Variants in ADGRV1 observed in about 807,000 individuals in gnomAD.
ADGRV1 encodes the protein G-protein coupled receptor 98.
Under a neutral mutation model 596.2 loss-of-function variants are expected in ADGRV1, and 359 were observed. The ratio of observed to expected loss-of-function variants is 0.60; its 90% CI spans 0.55 to 0.66. The LOEUF (loss-of-function observed/expected upper bound fraction) is 0.66, where lower values mean the gene tolerates loss of function less well. ADGRV1 is among the 30% of genes least tolerant of loss of function. ADGRV1 has a pLI of 0.00. For missense variants in ADGRV1, 7,274 were observed against 7,575.6 expected, an observed-to-expected ratio of 0.96 and a Z score of 1.48; for synonymous variants, 2,681 against 2,679.2, an observed-to-expected ratio of 1.00 and a Z score of -0.02.
rs190201260 is a variant in ADGRV1 at position 90,721,384 on chromosome 5, G to T, written c.9748+325G>T. Among the ~76,000 whole-genome samples the T allele has an allele frequency of 0.033, 4,973 of 151,624 alleles. 301 individuals are homozygous for T. The highest frequency in any genetic ancestry group is 0.11 in the African/African-American group (4,641 of 41,332). On this transcript the variant is annotated intron_variant, in intron 45 of 89. Coordinates refer to ENST00000405460, the MANE Select transcript of ADGRV1 (RefSeq NM_032119.4). Reference sequence around the variant, plus strand: ...CCGGGCGTAGTGGCAGGCGCCTGTGGTCCCAGCTACTCGGGAGGCTAAGAC... The same window carrying T: ...CCGGGCGTAGTGGCAGGCGCCTGTGTTCCCAGCTACTCGGGAGGCTAAGAC...
intron 34 of ADGRV1, among the ~76,000 whole-genome samples, chr5:90,702,817 C>T (rs1476889214): frequency 1.3e-5 from 2 of 151,826 alleles, no homozygotes; most frequent in Non-Finnish European, 2.9e-5. Context: ...TCTTCTAAAT[C>T]TTTTTAAACA....
chr5:91,016,060 T>C (rs1251904963), intron 85 of ADGRV1, among the ~76,000 whole-genome samples: 1 of 152,020 alleles, frequency 6.6e-6, no homozygotes, highest in East Asian at 1.9e-4. Context: ...GGTCTGATGG[T>C]AATGAACTCC....
chr5:90,762,499 A>G (rs1756618464), intron 58 of ADGRV1: 1 of 152,190 alleles, frequency 6.6e-6, no homozygotes, highest in African/African-American at 2.4e-5. Flanking sequence ...AGTGGAAAGC[A>G]TTGTGTTATA....
chr5:91,091,378 T>C (rs1790372884), intron 86 of ADGRV1, among the ~76,000 whole-genome samples: 1 of 152,206 alleles, frequency 6.6e-6, no homozygotes, highest in Admixed American at 6.5e-5. Context: ...CAATTTCTTG[T>C]CAATTTTACT....
intron 85 of ADGRV1, among the ~76,000 whole-genome samples, chr5:91,065,962 A>G (rs1787847799): frequency 6.6e-6 from 1 of 152,224 alleles, no homozygotes; most frequent in Non-Finnish European, 1.5e-5. Flanking sequence ...AAGGAACAGT[A>G]AAAGTTATGT....
chr5:90,810,413 A>T lies in ADGRV1; in HGVS notation c.15153A>T (p.Pro5051=). 2 of 1,613,942 alleles carry T rather than the reference A, an allele frequency of 1.2e-6. No homozygotes were observed. The highest frequency in any genetic ancestry group is 1.1e-5 in the South Asian group (1 of 91,078). ...AGACCACTGCAGGAAGCGCCAAGCC[A>T]CTGGAAGATTTTGAGCCTGTTCAGA... ...SYQTTAGSAK[P]LEDFEPVQNG... Residue 5051 remains proline (P), a synonymous_variant, in exon 74 of 90, where the codon CCA becomes CCT. Transcript: ENST00000405460.
At chr5:91,146,460 G>A (rs1240192193) in intron 87 of ADGRV1, among the ~76,000 whole-genome samples, 1 of 152,202 alleles carries the variant, frequency 6.6e-6, no homozygotes, top group Non-Finnish European at 1.5e-5. Flanking sequence ...AGGGCCAGCA[G>A]CTCTTTAAGA....
chr5:90,690,495 C>T (rs1746324728), intron 30 of ADGRV1, among the ~76,000 whole-genome samples: 1 of 152,166 alleles, frequency 6.6e-6, no homozygotes, highest in Non-Finnish European at 1.5e-5. Context: ...GCAACTGCCC[C>T]TCTGGAGCAG....
intron 44 of ADGRV1, among the ~76,000 whole-genome samples, chr5:90,720,587 G>A (rs1750783494): frequency 6.6e-6 from 1 of 152,078 alleles, no homozygotes; most frequent in Non-Finnish European, 1.5e-5. Flanking sequence ...TAACATGATT[G>A]TGGTTTTAAA....
chr5:90,592,896 A>G (rs527376820), intron 1 of ADGRV1, among the ~76,000 whole-genome samples: 1 of 152,358 alleles, frequency 6.6e-6, no homozygotes, highest in South Asian at 2.1e-4. Flanking sequence ...AACCAGAATG[A>G]GATACCATCT....
intron 88 of ADGRV1, among the ~76,000 whole-genome samples, chr5:91,151,394 AT>A (rs1484343328): frequency 6.6e-6 from 1 of 152,182 alleles, no homozygotes; most frequent in Non-Finnish European, 1.5e-5. Flanking sequence ...GAAATGAAGG[AT>A]TTTGATCAAA....
chr5:90,972,800 G>A (rs1779173421), intron 84 of ADGRV1, among the ~76,000 whole-genome samples: 1 of 152,130 alleles, frequency 6.6e-6, no homozygotes, highest in Non-Finnish European at 1.5e-5. Flanking sequence ...AACTAGAGAA[G>A]CAAGAGCAAA....
At chr5:91,142,326 G>A (rs1162389138) in intron 87 of ADGRV1, among the ~76,000 whole-genome samples, 1 of 152,138 alleles carries the variant, frequency 6.6e-6, no homozygotes, top group Middle Eastern at 3.2e-3. Flanking sequence ...TACTTTCTAG[G>A]AGGTTACAGC....
Position 90,658,046 on chromosome 5 carries a change from T to C in ADGRV1, c.4520T>C (p.Leu1507Ser). The change falls in exon 21 of 90, where the codon TTA (leucine) becomes TCA (serine). Residue 1507 changes from leucine (L) to serine (S), a missense_variant. Physicochemically the swap from Leu to Ser is moderately radical, Grantham distance 145 (BLOSUM62 -2). Around this residue, in one of 5 missense-constraint regions of ADGRV1, gnomAD observed 3,643 missense variants for 3,809.2 expected, o/e 0.96. Transcript: ENST00000405460. ...ELHAMPAKSD[L>S]HPISGYLEFR... ...CATGCCATGCCCGCAAAAAGTGATT[T>C]ACACCCAATTTCTGGATATCTGGAG... The C allele has an allele frequency of 6.2e-7, 1 of 1,614,008 alleles. No individual in the cohort carries two copies. Among genetic ancestry groups the C allele is most frequent in the East Asian group, 2.2e-5 (1 of 44,872 alleles).
At chr5:90,935,784 A>C (rs1185169094) in intron 83 of ADGRV1, among the ~76,000 whole-genome samples, 1 of 152,092 alleles carries the variant, frequency 6.6e-6, no homozygotes, top group Non-Finnish European at 1.5e-5. Flanking sequence ...TTTGAAGGCC[A>C]CCTTGATTGT....
chr5:90,723,741 T>G (rs183326852), intron 45 of ADGRV1, among the ~76,000 whole-genome samples: 27 of 152,308 alleles, frequency 1.8e-4, no homozygotes, highest in African/African-American at 6.5e-4. Flanking sequence ...CTAAAAATGA[T>G]CAATCATTTA....
At chr5:90,947,858 G>A (rs940700480) in intron 83 of ADGRV1, among the ~76,000 whole-genome samples, 6 of 152,084 alleles carry the variant, frequency 3.9e-5, no homozygotes, top group East Asian at 3.8e-4. Flanking sequence ...ACATTAATAT[G>A]TAGTTTAAAT....
intron 83 of ADGRV1, among the ~76,000 whole-genome samples, chr5:90,936,231 G>C (rs1444823934): frequency 6.6e-6 from 1 of 151,936 alleles, no homozygotes; most frequent in African/African-American, 2.4e-5. Flanking sequence ...AGTTATTACT[G>C]GATCATTCTG....
chr5:90,934,545 G>A (rs963434621), intron 83 of ADGRV1, among the ~76,000 whole-genome samples: 1 of 152,110 alleles, frequency 6.6e-6, no homozygotes, highest in African/African-American at 2.4e-5. Context: ...TTCCCTGGGC[G>A]TTTTGTTTGT....
Sources: allele counts gnomAD v4.1 joint callset (sites outside exome capture counted in the v4.1 genomes callset), GRCh38; gene constraint gnomAD v4.1.1; regional missense constraint gnomAD v4.1.1; transcripts MANE v1.5; gene names NCBI Gene and HGNC (gene_info 2026-07-23, HGNC 2026-07-21).